NUP205: variants seen among roughly 807,000 people sequenced by gnomAD.
The protein encoded by NUP205 is nucleoporin 205, also known as nuclear pore complex protein Nup205.
NUP205 carries 76 observed loss-of-function variants against 253.8 expected under a neutral mutation model. The observed-to-expected ratio is 0.30, with a 90% CI of 0.25 to 0.36. NUP205 has a LOEUF of 0.36. NUP205 is among the 10% of genes least tolerant of loss of function. NUP205 has a pLI of 1.00. For synonymous variants in NUP205, 832 were observed against 850.1 expected (o/e 0.98, Z 0.37); for missense variants, 2,162 against 2,425.5 (o/e 0.89, Z 2.28).
At chr7:135,648,251 G>C (rs1795050920) in intron 42 of NUP205, among the ~76,000 whole-genome samples, 153 bp from the exon 43 acceptor site, 1 of 152,214 alleles carries the variant, frequency 6.6e-6, no homozygotes, top group Non-Finnish European at 1.5e-5. Context: ...TGAATGTTTA[G>C]TTAATTTAGT....
intron 7 of NUP205, among the ~76,000 whole-genome samples, chr7:135,579,234 GC>G (rs904736055): frequency 9.6e-5 from 14 of 145,998 alleles, no homozygotes; most frequent in Non-Finnish European, 1.9e-4. Context: ...TGCTCTTGTT[GC>G]CCAGGCTGGA....
chr7:135,603,891 G>T (rs1015079033), intron 18 of NUP205, among the ~76,000 whole-genome samples: 9 of 152,160 alleles, frequency 5.9e-5, no homozygotes, highest in African/African-American at 1.9e-4. Context: ...TGGAAAGGAA[G>T]CAGACTTTTC....
In NUP205 at chr7:135,617,157, G is replaced by T. The variant is rs1794379987; in HGVS notation, c.3600G>T (p.Gln1200His). ...DFSQEIPEPLQLDFFDRAQIE... is the reference protein window; with the variant it reads ...DFSQEIPEPLHLDFFDRAQIE... ...GTCAGGAGATCCCTGAGCCTTTGCA[G>T]TTGGATTTTTTTGATCGGGCCCAGA... The change falls in exon 26 of 43, where the codon CAG (glutamine) becomes CAT (histidine). Residue 1200 changes from glutamine (Q) to histidine (H), a missense_variant. By Grantham distance (24) the Gln-to-His change is conservative. Coordinates refer to ENST00000285968, the MANE Select transcript of NUP205 (RefSeq NM_015135.3). 1 of 1,613,860 alleles carries T rather than the reference G, an allele frequency of 6.2e-7. No individual in the cohort carries two copies.
At chr7:135,600,740 C>T (rs1421465174) in intron 15 of NUP205, 130 bp from the exon 16 acceptor site, 5 of 491,594 alleles carry the variant, frequency 1.0e-5, no homozygotes, top group Admixed American at 7.0e-5. Flanking sequence ...TATTGCTTAG[C>T]GTAAGTGAAT....
chr7:135,627,827 G>T, intron 33 of NUP205, 146 bp from the exon 34 acceptor site: 1 of 604,660 alleles, frequency 1.7e-6, no homozygotes, highest in East Asian at 2.7e-5. Flanking sequence ...CTGGACCGCG[G>T]ATGTATATAT....
chr7:135,626,484 G>C lies in NUP205; in HGVS notation c.4793+123G>C, dbSNP rs1363889553. 2.9e-6 allele frequency: 3 copies of C among 1,019,178 alleles called. No homozygotes were observed. In the East Asian group the frequency reaches 7.9e-5, roughly 27 times the overall value. The allele number at this position is 1,019,178 out of a possible 1,614,324, so 63.1% of individuals were successfully genotyped here. On this transcript the variant is annotated intron_variant, in intron 33 of 42. Transcript: ENST00000285968. ...TTTCATCTTGGTGTGGGTTTTTTTG[G>C]TCATACTGTGCCCCTGTCATTTACT...
intron 4 of NUP205, 68 bp downstream of exon 4, chr7:135,576,482 A>C: frequency 7.3e-7 from 1 of 1,368,158 alleles, no homozygotes; most frequent in Non-Finnish European, 1.0e-6. Context: ...TATTTCCCTT[A>C]TTATATACAA....
chr7:135,603,564 C>T (rs1314363718), intron 18 of NUP205, among the ~76,000 whole-genome samples: 1 of 150,806 alleles, frequency 6.6e-6, no homozygotes, highest in Non-Finnish European at 1.5e-5. Context: ...GACTGGAGTG[C>T]GGTGGTACAA....
At chr7:135,641,967 G>C (rs1794921539) in intron 38 of NUP205, among the ~76,000 whole-genome samples, 1 of 151,714 alleles carries the variant, frequency 6.6e-6, no homozygotes, top group African/African-American at 2.4e-5. Context: ...AATTGCCACA[G>C]TGTTGGGCCA....
chr7:135,576,823 A>G (rs766855595), intron 4 of NUP205, 146 bp from the exon 5 acceptor site: 78 of 686,504 alleles, frequency 1.1e-4, no homozygotes, highest in Non-Finnish European at 1.6e-4. Context: ...TCAAGGCTGC[A>G]GTGAGCCATG....
intron 42 of NUP205, among the ~76,000 whole-genome samples, chr7:135,646,761 C>T (rs149305739): frequency 3.3e-5 from 5 of 152,264 alleles, no homozygotes; most frequent in Admixed American, 6.5e-5. Flanking sequence ...ACTTAACTTC[C>T]GAGCCTCAAT....
intron 31 of NUP205, 30 bp downstream of exon 31, chr7:135,622,955 T>C: frequency 1.2e-6 from 2 of 1,605,316 alleles, no homozygotes; most frequent in Non-Finnish European, 1.7e-6. Context: ...GTATTATAAT[T>C]GAATAAGTAT....
intron 20 of NUP205, 75 bp from the exon 21 acceptor site, chr7:135,606,676 A>T: frequency 8.7e-7 from 1 of 1,151,600 alleles, no homozygotes; most frequent in Non-Finnish European, 1.3e-6. Context: ...TTGGAATACA[A>T]GTTTTGTATT....
At chr7:135,579,706 C>T (rs956837443) in intron 7 of NUP205, among the ~76,000 whole-genome samples, 3 of 152,060 alleles carry the variant, frequency 2.0e-5, no homozygotes, top group Admixed American at 6.6e-5. Context: ...AGTGCAGTGG[C>T]TCGATCCCGG....
At chr7:135,639,797 T>C (rs1204682969) in intron 38 of NUP205, among the ~76,000 whole-genome samples, 1 of 152,134 alleles carries the variant, frequency 6.6e-6, no homozygotes, top group Non-Finnish European at 1.5e-5. Flanking sequence ...AGCAAAGACT[T>C]GGAACCAACC....
intron 10 of NUP205, among the ~76,000 whole-genome samples, chr7:135,590,435 G>A (rs571977508): frequency 1.3e-4 from 19 of 151,862 alleles, no homozygotes; most frequent in African/African-American, 3.9e-4. Flanking sequence ...TTTTACTTTC[G>A]TTTTATTTTA....
chr7:135,622,894 G>A lies in NUP205; in HGVS notation c.4448G>A (p.Arg1483Gln), dbSNP rs558977227. The change falls in exon 31 of 43, where the codon CGA becomes CAA. Residue 1483 changes from arginine to glutamine, a missense_variant. Transcript: ENST00000285968. The stretch of plus-strand genomic sequence containing the variant: ...GCCGCCCTCATGGAAGTGGTCTGTC[G>A]AGATGCTTGTGATGGTCATGAGATT... ...YGAALMEVVC[R>Q]DACDGHEIGR... 8.1e-6 allele frequency: 13 copies of A among 1,614,096 alleles called. No individual in the cohort carries two copies. In the Admixed American group the frequency reaches 1.0e-4, roughly 12 times the overall value.
At chr7:135,647,255 T>TAAAGC (rs1389030680) in intron 42 of NUP205, among the ~76,000 whole-genome samples, 1 of 152,228 alleles carries the variant, frequency 6.6e-6, no homozygotes, top group Non-Finnish European at 1.5e-5. Context: ...CATGATTTGA[T>TAAAGC]AAAGCCTCTG....
intron 13 of NUP205, 145 bp downstream of exon 13, chr7:135,594,874 C>A: frequency 3.3e-6 from 2 of 601,634 alleles, no homozygotes; most frequent in Non-Finnish European, 5.6e-6. Flanking sequence ...CTGAGCATAG[C>A]AATAGAAACT....
Sources: gnomAD v4.1 joint callset for allele counts (sites outside exome capture counted in the v4.1 genomes callset) on GRCh38, gnomAD v4.1.1 for gene constraint, MANE v1.5 for transcripts, NCBI Gene and HGNC (gene_info 2026-07-23, HGNC 2026-07-21) for gene names.